Variants in MYO1D observed in about 807,000 individuals in gnomAD.
MYO1D encodes myosin ID, also known as unconventional myosin-Id.
MYO1D carries 83 observed loss-of-function variants against 122.0 expected under a neutral mutation model. The ratio of observed to expected loss-of-function variants is 0.68; its 90% CI spans 0.57 to 0.82. The LOEUF is 0.82. Ranked by LOEUF, MYO1D falls within the 40% of genes least tolerant of loss-of-function variation. The pLI is 0.00. For missense variants in MYO1D, 1,157 were observed against 1,269.5 expected (o/e 0.91, Z 1.35); for synonymous variants, 464 against 446.9 (o/e 1.04, Z -0.48).
chr17:32,696,013 C>T (rs1209522081), intron 16 of MYO1D, among the ~76,000 whole-genome samples: 1 of 152,152 alleles, frequency 6.6e-6, no homozygotes. Flanking sequence ...AATTCTCACC[C>T]TCTCAGCCTA....
At chr17:32,701,350 G>T (rs547201819) in intron 16 of MYO1D, among the ~76,000 whole-genome samples, 1 of 152,200 alleles carries the variant, frequency 6.6e-6, no homozygotes, top group Admixed American at 6.5e-5. Flanking sequence ...TAACTCCAAG[G>T]CTATTTAGAC....
intron 21 of MYO1D, among the ~76,000 whole-genome samples, chr17:32,552,443 TCCA>T (rs1220501269): frequency 1.3e-5 from 2 of 151,912 alleles, no homozygotes; most frequent in South Asian, 2.1e-4. Flanking sequence ...CATCCATCCA[TCCA>T]TCCATCCATC....
chr17:32,782,012 A>C (rs2090244124), intron 1 of MYO1D, among the ~76,000 whole-genome samples: 1 of 152,212 alleles, frequency 6.6e-6, no homozygotes, highest in Non-Finnish European at 1.5e-5. Flanking sequence ...GTGCCCTGAC[A>C]GGCAAAATGC....
At chr17:32,559,359 T>C (rs1220301989) in intron 21 of MYO1D, among the ~76,000 whole-genome samples, 1 of 152,258 alleles carries the variant, frequency 6.6e-6, no homozygotes, top group Admixed American at 6.5e-5. Context: ...CATAATGACC[T>C]GTAACCTAAC....
At chr17:32,514,978 C>T (rs1273098217) in intron 21 of MYO1D, among the ~76,000 whole-genome samples, 1 of 152,206 alleles carries the variant, frequency 6.6e-6, no homozygotes, top group Non-Finnish European at 1.5e-5. Flanking sequence ...AACTCAGTTT[C>T]CTTAACTGGG....
intron 8 of MYO1D, among the ~76,000 whole-genome samples, chr17:32,761,208 C>T (rs970927357): frequency 6.6e-6 from 1 of 152,144 alleles, no homozygotes; most frequent in African/African-American, 2.4e-5. Flanking sequence ...ATGTGCTCTG[C>T]AACGTCACAT....
chr17:32,738,226 T>C, intron 14 of MYO1D, 27 bp downstream of exon 14: 2 of 1,549,602 alleles, frequency 1.3e-6, no homozygotes, highest in South Asian at 2.5e-5. Flanking sequence ...TGAGTTAAAA[T>C]GGATATTTAG....
intron 1 of MYO1D, among the ~76,000 whole-genome samples, chr17:32,858,967 G>A (rs1029228031): frequency 6.6e-6 from 1 of 151,948 alleles, no homozygotes; most frequent in African/African-American, 2.4e-5. Context: ...AGATGCCCCC[G>A]GCTCACCTTG....
intron 21 of MYO1D, among the ~76,000 whole-genome samples, chr17:32,508,584 G>C (rs1227379271): frequency 1.3e-5 from 2 of 152,176 alleles, no homozygotes; most frequent in African/African-American, 4.8e-5. Flanking sequence ...CCAGTCTATG[G>C]TATCTTGTTA....
chr17:32,497,474 C>G (rs73274219), intron 21 of MYO1D: 2 of 152,106 alleles, frequency 1.3e-5, no homozygotes, highest in Non-Finnish European at 2.9e-5. Context: ...ATAAATAAAT[C>G]GGCACCCAGG....
Position 32,707,488 on chromosome 17 carries a change from G to A in MYO1D, c.2121+4500C>T, listed in dbSNP as rs75416166. 9.9e-3 allele frequency among the ~76,000 whole-genome samples: 1,502 copies of A among 152,148 alleles called. 19 individuals carry two copies. Among genetic ancestry groups the A allele is most frequent in the African/African-American group, 0.033 (1,389 of 41,490 alleles). ...ACAATCTCACTCCTGGGAATTCAGC[G>A]CATAGAAATGAAGGCACCAGTATGG... is the stretch of plus-strand genomic sequence containing the variant. On this transcript the variant is annotated intron_variant, in intron 16 of 21. Coordinates refer to ENST00000318217, the MANE Select transcript of MYO1D (RefSeq NM_015194.3).
chr17:32,738,469 C>A, intron 13 of MYO1D, 84 bp from the exon 14 acceptor site: 1 of 1,343,666 alleles, frequency 7.4e-7, no homozygotes, highest in Non-Finnish European at 9.9e-7. Flanking sequence ...TGAAATGTAT[C>A]CTGAGAATCA....
At chr17:32,661,871 T>C (rs2150955139) in intron 16 of MYO1D, among the ~76,000 whole-genome samples, 1 of 152,340 alleles carries the variant, frequency 6.6e-6, no homozygotes, top group East Asian at 1.9e-4. Context: ...GTATATGTTA[T>C]ATTGCATTGT....
In MYO1D at chr17:32,851,920, G is replaced by A. The variant is rs536198601; in HGVS notation, c.95+24858C>T. Among the ~76,000 whole-genome samples the A allele has an allele frequency of 5.9e-5, 9 of 152,324 alleles. No individual in the cohort carries two copies. In the South Asian group the frequency reaches 1.7e-3, roughly 28 times the overall value. On this transcript the variant is annotated intron_variant, in intron 1 of 21. Transcript: ENST00000318217. ...TAACAGACCACCGTACCGGTCAGGG[G>A]CCTGGGGGTTGGGACCCCTGATCTA...
chr17:32,769,306 T>G (rs1257004961), intron 6 of MYO1D, among the ~76,000 whole-genome samples: 4 of 152,190 alleles, frequency 2.6e-5, no homozygotes, highest in Non-Finnish European at 5.9e-5. Flanking sequence ...GAGCTGTCCA[T>G]GAGTGTGGCA....
chr17:32,856,361 T>C (rs1051287207), intron 1 of MYO1D, among the ~76,000 whole-genome samples: 2 of 152,170 alleles, frequency 1.3e-5, no homozygotes, highest in African/African-American at 4.8e-5. Context: ...TCATTACCTA[T>C]TCACACTCAA....
intron 16 of MYO1D, among the ~76,000 whole-genome samples, chr17:32,679,179 G>A (rs2088869318): frequency 6.6e-6 from 1 of 151,602 alleles, no homozygotes; most frequent in Non-Finnish European, 1.5e-5. Context: ...AGATGAGTAG[G>A]TTGCGAAAAT....
At chr17:32,516,131 T>C (rs1044490527) in intron 21 of MYO1D, among the ~76,000 whole-genome samples, 1 of 152,230 alleles carries the variant, frequency 6.6e-6, no homozygotes, top group African/African-American at 2.4e-5. Context: ...AGACTCTTAC[T>C]CAATGCCATT....
At chr17:32,676,764 T>C (rs755649231) in intron 16 of MYO1D, among the ~76,000 whole-genome samples, 2 of 152,186 alleles carry the variant, frequency 1.3e-5, no homozygotes, top group African/African-American at 2.4e-5. Context: ...GCATTTTCTG[T>C]ATTTGCAACT....
Sources: allele counts gnomAD v4.1 joint callset (sites outside exome capture counted in the v4.1 genomes callset), GRCh38; gene constraint gnomAD v4.1.1; transcripts MANE v1.5; gene names NCBI Gene and HGNC (gene_info 2026-07-23, HGNC 2026-07-21).